The following CA7 variants were observed in gnomAD, a reference collection of about 807,000 sequenced individuals.
The protein encoded by CA7 is carbonic anhydrase 7, also known as carbonate dehydratase VII.
CA7 carries 13 observed loss-of-function variants against 31.4 expected under a neutral mutation model. The observed-to-expected ratio is 0.41, with a 90% CI of 0.27 to 0.66. CA7 has a LOEUF of 0.66. CA7 is among the 30% of genes least tolerant of loss of function. The pLI is 0.28. For synonymous variants in CA7, 128 were observed against 133.2 expected (o/e 0.96, Z 0.27); for missense variants, 215 against 351.0 (o/e 0.61, Z 3.10).
intron 1 of CA7, chr16:66,844,852 G>A: frequency 9.8e-7 from 1 of 1,017,570 alleles, no homozygotes; most frequent in African/African-American, 1.7e-5. Context: ...CCGGGCGTGC[G>A]CAGCGCGTGG....
At chr16:66,844,767 T>A (rs983318822) in intron 1 of CA7, among the ~76,000 whole-genome samples, 1 of 152,336 alleles carries the variant, frequency 6.6e-6, no homozygotes, top group East Asian at 1.9e-4. Context: ...GGCGGCTGTG[T>A]CCTGCCGCCT....
intron 2 of CA7, among the ~76,000 whole-genome samples, chr16:66,848,181 G>A (rs1334725781): frequency 6.6e-6 from 1 of 152,178 alleles, no homozygotes; most frequent in South Asian, 2.1e-4. Context: ...TTAGTTCTGA[G>A]TTCCCTGGTA....
rs1194240976 is a variant in CA7 at position 66,844,453 on chromosome 16, C to T, written c.-35C>T. The stretch of plus-strand genomic sequence containing the variant: ...AGCCCGAACGAGCGGACCGAGCCGA[C>T]CGGGCAGGTGCACGGCTGCGGGGAC... On this transcript the variant is annotated 5_prime_UTR_variant, in exon 1 of 7. Transcript: ENST00000338437. The T allele has an allele frequency of 6.5e-7, 1 of 1,528,146 alleles. No individual in the cohort carries two copies. The highest frequency in any genetic ancestry group is 2.6e-5 in the East Asian group (1 of 39,052). 94.7% of individuals were successfully genotyped at this position (1,528,146 alleles called of 1,614,324 possible).
At position 66,854,077 on chromosome 16, in the gene CA7, C is replaced by T. The variant is rs887129826; in HGVS notation, c.*579C>T. 6.5e-6 allele frequency: 1 copy of T among 153,718 alleles called. No individual in the cohort carries two copies. The highest frequency in any genetic ancestry group is 1.5e-5 in the Non-Finnish European group (1 of 68,722). 9.5% of individuals were successfully genotyped at this position (153,718 alleles called of 1,614,324 possible). On this transcript the variant is annotated 3_prime_UTR_variant, in exon 7 of 7. Transcript: ENST00000338437. ...TACAGTATCTCCCCTTGTCCCCACC[C>T]AGTCACCAAAGCCACCTACATGACA...
chr16:66,848,842 A>G (rs1183836249), intron 2 of CA7, among the ~76,000 whole-genome samples: 1 of 152,080 alleles, frequency 6.6e-6, no homozygotes, highest in Non-Finnish European at 1.5e-5. Flanking sequence ...GCATCTGCAG[A>G]CCTATCCAAT....
chr16:66,853,616 C>A lies in CA7; in HGVS notation c.*118C>A. The A allele has an allele frequency of 7.3e-7, 1 of 1,376,412 alleles. No homozygotes were observed. Among genetic ancestry groups the A allele is most frequent in the East Asian group, 2.3e-5 (1 of 42,828 alleles). 85.3% of individuals were successfully genotyped at this position (1,376,412 alleles called of 1,614,324 possible). On this transcript the variant is annotated 3_prime_UTR_variant, in exon 7 of 7. Transcript: ENST00000338437. The surrounding 1 kb of genome is among the most constrained non-coding windows in gnomAD (Gnocchi z 4.5). ...GGGGTGCTGGGGACCCTCCTTCAGC[C>A]AGTTTGCTCCTTGGTCACCCTGGAG...
At chr16:66,849,181 C>T (rs1017981559) in intron 2 of CA7, among the ~76,000 whole-genome samples, 1 of 152,176 alleles carries the variant, frequency 6.6e-6, no homozygotes, top group African/African-American at 2.4e-5. Flanking sequence ...CTATCAGTCC[C>T]AGGAGGCCTC....
In CA7 at chr16:66,844,520, G is replaced by A. The variant is rs1272424643; in HGVS notation, c.33G>A (p.Gln11=). The part of the protein sequence containing the change: MTGHHGWGYG[Q]DDGPSHWHKL... ...GCCACCACGGCTGGGGCTACGGCCA[G>A]GACGACGGTAGGCACAGACCTCCCC... Residue 11 remains glutamine (Q), a synonymous_variant, in exon 1 of 7, where the codon CAG becomes CAA. Coordinates refer to ENST00000338437, the MANE Select transcript of CA7 (RefSeq NM_005182.3). 1 of 1,543,826 alleles carries A rather than the reference G, an allele frequency of 6.5e-7. No homozygotes were observed. Among genetic ancestry groups the A allele is most frequent in the Non-Finnish European group, 8.7e-7 (1 of 1,144,368 alleles).
At chr16:66,852,626 G>T in intron 5 of CA7, 86 bp from the exon 6 acceptor site, 2 of 898,272 alleles carry the variant, frequency 2.2e-6, no homozygotes, top group Non-Finnish European at 3.1e-6. Context: ...AAAGAAAAAA[G>T]AAAGAAAGAG....
In CA7 at chr16:66,851,446, C is replaced by T. The variant is rs1260572139; in HGVS notation, c.358-17C>T. The T allele has an allele frequency of 1.2e-6, 2 of 1,609,284 alleles. No individual in the cohort carries two copies. The highest frequency in any genetic ancestry group is 3.3e-5 in the Admixed American group (2 of 60,002). ...CCTCTGGGAGGCACGAAGCATTGGC[C>T]TGTTGTTGCCCCATAGCTGCATCTG... On this transcript the variant is annotated splice_polypyrimidine_tract_variant and intron_variant, in intron 3 of 6. Transcript: ENST00000338437.
At chr16:66,848,358 C>T (rs1455638454) in intron 2 of CA7, among the ~76,000 whole-genome samples, 1 of 152,168 alleles carries the variant, frequency 6.6e-6, no homozygotes, top group African/African-American at 2.4e-5. Flanking sequence ...CTAGCTGACC[C>T]TAGATGATAG....
At chr16:66,846,753 C>G (rs368495065) in intron 1 of CA7, among the ~76,000 whole-genome samples, 16 of 152,278 alleles carry the variant, frequency 1.1e-4, no homozygotes, top group Middle Eastern at 3.4e-3. Context: ...TGAGCCACCC[C>G]GAGCCTGTAG....
At chr16:66,852,573 AAAG>A in intron 5 of CA7, 136 bp from the exon 6 acceptor site, 1 of 511,298 alleles carries the variant, frequency 2.0e-6, no homozygotes, top group Admixed American at 5.0e-5. Context: ...AAAGAAAAAG[AAAG>A]AAAAGAAAAG....
In CA7 at chr16:66,847,081, C is replaced by A; in HGVS notation, c.92C>A (p.Ser31Ter). The A allele has an allele frequency of 6.2e-7, 1 of 1,614,230 alleles. No homozygotes were observed. The highest frequency in any genetic ancestry group is 8.5e-7 in the Non-Finnish European group (1 of 1,180,042). ...LYPIAQGDRQ[S>*]PINIISSQAV... is the part of the protein sequence containing the mutation. ...CCCATTGCCCAGGGAGATCGCCAAT[C>A]ACCCATCAATATCATCTCCAGCCAG... The change falls in exon 2 of 7, where the codon TCA becomes TAA. Residue 31 changes from serine to a stop codon, truncating the protein, a stop_gained. Coordinates refer to ENST00000338437, the MANE Select transcript of CA7 (RefSeq NM_005182.3). LOFTEE classifies it high-confidence loss of function.
intron 5 of CA7, 139 bp downstream of exon 5, chr16:66,851,865 C>A (rs1961063424): frequency 1.3e-6 from 1 of 759,620 alleles, no homozygotes; most frequent in African/African-American, 1.7e-5. Flanking sequence ...TCAGCAGGGC[C>A]CTGCACCTGA....
chr16:66,849,853 A>G (rs1389575555), intron 2 of CA7, among the ~76,000 whole-genome samples: 1 of 152,158 alleles, frequency 6.6e-6, no homozygotes, highest in African/African-American at 2.4e-5. Flanking sequence ...GAATTTTCCA[A>G]ATGAAAAATG....
At chr16:66,850,744 G>A in intron 3 of CA7, 85 bp downstream of exon 3, 2 of 1,020,706 alleles carry the variant, frequency 2.0e-6, no homozygotes, top group Non-Finnish European at 3.1e-6. Context: ...GATGCCTGGG[G>A]TCGGGCCTTG....
At position 66,853,635 on chromosome 16, in the gene CA7, C is replaced by G; in HGVS notation, c.*137C>G. 8.5e-7 allele frequency: 1 copy of G among 1,179,856 alleles called. No homozygotes were observed. 73.1% of individuals were successfully genotyped at this position (1,179,856 alleles called of 1,614,324 possible). The stretch of plus-strand genomic sequence containing the variant: ...TTCAGCCAGTTTGCTCCTTGGTCAC[C>G]CTGGAGGCTTCTGGATGGGACCCTT... On this transcript the variant is annotated 3_prime_UTR_variant, in exon 7 of 7. Transcript: ENST00000338437. The surrounding 1 kb of genome is among the most constrained non-coding windows in gnomAD (Gnocchi z 4.5).
chr16:66,852,421 C>T (rs577625690), intron 5 of CA7, among the ~76,000 whole-genome samples: 1 of 150,188 alleles, frequency 6.7e-6, no homozygotes, highest in Non-Finnish European at 1.5e-5. Flanking sequence ...CGAGATCGTG[C>T]CACTGCACTC....
Sources: allele counts gnomAD v4.1 joint callset (sites outside exome capture counted in the v4.1 genomes callset), GRCh38; gene constraint gnomAD v4.1.1; non-coding constraint Gnocchi (gnomAD v3.1); transcripts MANE v1.5; gene names NCBI Gene and HGNC (gene_info 2026-07-23, HGNC 2026-07-21).